TENM1: variants seen among roughly 807,000 people sequenced by gnomAD.
The protein encoded by TENM1 is teneurin-1.
TENM1 carries 35 observed loss-of-function variants against 174.8 expected under a neutral mutation model. The ratio of observed to expected loss-of-function variants is 0.20; its 90% CI spans 0.15 to 0.27. TENM1 has a LOEUF of 0.27. TENM1 is among the 10% of genes least tolerant of loss of function. The pLI is 1.00. For missense variants in TENM1, 1,633 were observed against 2,130.1 expected (o/e 0.77, Z 4.59); for synonymous variants, 781 against 798.7 (o/e 0.98, Z 0.37).
chrX:124,985,940 G>A, the TENM1 span, among the ~76,000 whole-genome samples: 1 of 111,364 alleles, frequency 9.0e-6, no homozygotes, highest in Non-Finnish European at 1.9e-5. Context: ...CCAGTTGGTG[G>A]TGGGGGAGAC....
At position 124,907,424 on chromosome X, in the gene TENM1, G is replaced by A. The variant is rs753178866; in HGVS notation, c.218-11183C>T. Among the ~76,000 whole-genome samples, 16 of 112,135 alleles carry A rather than the reference G, an allele frequency of 1.4e-4. No individual in the cohort carries two copies. In the East Asian group the frequency reaches 4.2e-3, roughly 30 times the overall value. ...GCAGGAAAGATTCATGGGCCAATCT[G>A]GGCTCAATGATAAAGTACCATGACA... On this transcript the variant is annotated intron_variant, in intron 1 of 31. Transcript: ENST00000422452.
At chrX:124,789,879 T>C (rs1273122886) in intron 3 of TENM1, among the ~76,000 whole-genome samples, 2 of 111,983 alleles carry the variant, frequency 1.8e-5, no homozygotes, top group African/African-American at 6.5e-5. Context: ...GGTATTTTTT[T>C]CAGTAGCGCC....
At chrX:125,046,826 GTGTGTGTGCA>G in the TENM1 span, among the ~76,000 whole-genome samples, 1 of 103,503 alleles carries the variant, frequency 9.7e-6, no homozygotes, top group Non-Finnish European at 1.9e-5. Flanking sequence ...AATTATGTGT[GTGTGTGTGCA>G]TGTGTGTGTG....
intron 11 of TENM1, 46 bp from the exon 15 acceptor site, chrX:124,565,606 C>T: frequency 1.1e-6 from 1 of 928,025 alleles, no homozygotes; most frequent in Non-Finnish European, 1.4e-6. Flanking sequence ...TTGTTAAAAC[C>T]AGCATCCATT....
intron 15 of TENM1, among the ~76,000 whole-genome samples, chrX:124,544,325 C>T (rs180919136): frequency 1.4e-4 from 16 of 112,122 alleles, no homozygotes; most frequent in Non-Finnish European, 2.8e-4. Flanking sequence ...ATTCTGGGTT[C>T]GAAATCTGAC....
the TENM1 span, among the ~76,000 whole-genome samples, chrX:124,983,483 A>G: frequency 8.9e-6 from 1 of 111,924 alleles, no homozygotes; most frequent in Admixed American, 9.5e-5. Context: ...TGAATCATGA[A>G]TAAGTTGATC....
chrX:124,426,839 C>T (rs2060723465), intron 23 of TENM1, among the ~76,000 whole-genome samples: 1 of 112,056 alleles, frequency 8.9e-6, no homozygotes. Flanking sequence ...TTAACAGCTC[C>T]CAGAGCAGTT....
intron 8 of TENM1, among the ~76,000 whole-genome samples, chrX:124,651,511 TGATAC>T (rs923322069): frequency 1.8e-5 from 2 of 112,237 alleles, no homozygotes; most frequent in African/African-American, 6.5e-5. Flanking sequence ...AGAACTGTAC[TGATAC>T]TAGTTTTTTC....
intron 3 of TENM1, among the ~76,000 whole-genome samples, chrX:124,851,285 T>C (rs182697536): frequency 4.3e-4 from 48 of 111,783 alleles, no homozygotes; most frequent in African/African-American, 1.1e-3. Context: ...TTTACATCCC[T>C]TATCTCAGTC....
At chrX:125,133,610 G>A in the TENM1 span, among the ~76,000 whole-genome samples, 3 of 110,837 alleles carry the variant, frequency 2.7e-5, no homozygotes, top group African/African-American at 9.9e-5. Context: ...TTACTTCAAG[G>A]TTTATGTTTG....
the TENM1 span, among the ~76,000 whole-genome samples, chrX:125,011,561 T>A: frequency 1.8e-5 from 2 of 111,871 alleles, no homozygotes; most frequent in Non-Finnish European, 3.8e-5. Context: ...GACATTTATG[T>A]TGCCAACAAC....
the TENM1 span, among the ~76,000 whole-genome samples, chrX:125,080,303 G>A: frequency 8.9e-6 from 1 of 111,782 alleles, no homozygotes; most frequent in Non-Finnish European, 1.9e-5. Context: ...ATCTATCAAA[G>A]GTTTCTTGAA....
At chrX:124,401,917 C>T (rs916240555) in intron 27 of TENM1, among the ~76,000 whole-genome samples, 1 of 111,879 alleles carries the variant, frequency 8.9e-6, no homozygotes, top group Non-Finnish European at 1.9e-5. Flanking sequence ...ACATTAGAGT[C>T]GATTATTTGT....
At chrX:124,445,545 A>G (rs1334753611) in intron 23 of TENM1, among the ~76,000 whole-genome samples, 1 of 112,259 alleles carries the variant, frequency 8.9e-6, no homozygotes, top group African/African-American at 3.2e-5. Flanking sequence ...TGTTAGACCC[A>G]TCTGACAAAT....
At chrX:124,904,461 A>C (rs754199874) in intron 1 of TENM1, among the ~76,000 whole-genome samples, 8 of 112,081 alleles carry the variant, frequency 7.1e-5, no homozygotes, top group Non-Finnish European at 1.3e-4. Flanking sequence ...AACAACTTGA[A>C]CCCAATTCTG....
At chrX:125,098,968 T>C in the TENM1 span, among the ~76,000 whole-genome samples, 1 of 111,952 alleles carries the variant, frequency 8.9e-6, no homozygotes, top group East Asian at 2.8e-4. Context: ...ATTTAATATA[T>C]AAAGAAAATA....
rs992795912 is a variant in TENM1 at position 124,602,730 on chromosome X, A to G, written c.2078-37170T>C. On this transcript the variant is annotated intron_variant, in intron 11 of 31. Transcript: ENST00000422452. ...AATGGTACTGGTTCTTGCCTTGGGA[A>G]TATCTGAGATAAAATGATACAACCC... Among the ~76,000 whole-genome samples, 3 of 110,588 alleles carry G rather than the reference A, an allele frequency of 2.7e-5. No individual in the cohort carries two copies. The Admixed American group carries it at 2.9e-4, about 11-fold the overall frequency.
At chrX:125,037,868 C>T in the TENM1 span, among the ~76,000 whole-genome samples, 1 of 111,689 alleles carries the variant, frequency 9.0e-6, no homozygotes, top group African/African-American at 3.2e-5. Context: ...TTTTCCTAGG[C>T]TTTTGTCATA....
At chrX:124,730,494 T>C (rs952721704) in intron 4 of TENM1, among the ~76,000 whole-genome samples, 3 of 111,143 alleles carry the variant, frequency 2.7e-5, no homozygotes, top group African/African-American at 9.8e-5. Context: ...ATAATTAATG[T>C]GCCCAATGTC....
Sources: gnomAD v4.1 joint callset for allele counts (sites outside exome capture counted in the v4.1 genomes callset) on GRCh38, gnomAD v4.1.1 for gene constraint, MANE v1.5 for transcripts, NCBI Gene and HGNC (gene_info 2026-07-23, HGNC 2026-07-21) for gene names.